The following CAMKMT variants were observed in gnomAD, a reference collection of about 807,000 sequenced individuals.
CAMKMT encodes the protein CaM KMT.
In CAMKMT, 53 loss-of-function variants were observed where a neutral mutation model predicts 48.0. The ratio of observed to expected loss-of-function variants is 1.10; its 90% confidence interval spans 0.89 to 1.39. CAMKMT has a LOEUF of 1.39. CAMKMT is among the 40% of genes most tolerant of loss of function. The pLI is 0.00. For synonymous variants in CAMKMT, 165 were observed against 152.3 expected (o/e 1.08, Z -0.61); for missense variants, 428 against 402.7 (o/e 1.06, Z -0.54).
intron 3 of CAMKMT, chr2:44,549,667 T>G (rs1266579844): frequency 6.9e-6 from 4 of 579,248 alleles, no homozygotes; most frequent in Non-Finnish European, 1.2e-5. Context: ...TGGCAGAAGA[T>G]TATGATACTC....
intron 3 of CAMKMT, among the ~76,000 whole-genome samples, chr2:44,492,933 G>A (rs1424169600): frequency 5.5e-5 from 8 of 146,056 alleles, no homozygotes; most frequent in South Asian, 2.1e-4. Flanking sequence ...TTGCCCTGTC[G>A]CCCAGGCTAG....
At chr2:44,738,952 A>G (rs1481272703) in intron 7 of CAMKMT, among the ~76,000 whole-genome samples, 1 of 152,212 alleles carries the variant, frequency 6.6e-6, no homozygotes, top group Non-Finnish European at 1.5e-5. Context: ...AGCAGCCAGT[A>G]TTAAGACCCT....
At chr2:44,550,769 A>G (rs1262558212) in intron 3 of CAMKMT, 1 of 152,212 alleles carries the variant, frequency 6.6e-6, no homozygotes, top group South Asian at 2.1e-4. Flanking sequence ...TTTTGTAATG[A>G]TTAAACCAGT....
intron 3 of CAMKMT, among the ~76,000 whole-genome samples, chr2:44,422,985 C>T (rs2104514865): frequency 6.6e-6 from 1 of 152,220 alleles, no homozygotes; most frequent in Middle Eastern, 3.4e-3. Flanking sequence ...CCTTCAGTCT[C>T]AGATTTTCTT....
At chr2:44,587,507 G>T (rs971390846) in intron 3 of CAMKMT, among the ~76,000 whole-genome samples, 1 of 115,822 alleles carries the variant, frequency 8.6e-6, no homozygotes, top group Non-Finnish European at 1.7e-5. Context: ...CTCCTTCCAC[G>T]GTCTCCCTCT....
At chr2:44,543,721 GA>G (rs1468946427) in intron 3 of CAMKMT, among the ~76,000 whole-genome samples, 2 of 152,088 alleles carry the variant, frequency 1.3e-5, no homozygotes, top group Non-Finnish European at 2.9e-5. Flanking sequence ...TTACAAGATA[GA>G]AAATTAGAAA....
chr2:44,621,025 T>C (rs1442322209), intron 3 of CAMKMT, among the ~76,000 whole-genome samples: 1 of 152,038 alleles, frequency 6.6e-6, no homozygotes, highest in African/African-American at 2.4e-5. Flanking sequence ...TCCCAGCACT[T>C]TGGGAGGCCG....
intron 3 of CAMKMT, among the ~76,000 whole-genome samples, chr2:44,585,732 C>G (rs987284341): frequency 6.6e-6 from 1 of 152,102 alleles, no homozygotes; most frequent in Non-Finnish European, 1.5e-5. Flanking sequence ...TATGGTGATC[C>G]TACGCTTTAC....
chr2:44,766,290 A>C (rs916451156), intron 9 of CAMKMT, 140 bp from the exon 10 acceptor site: 1 of 825,404 alleles, frequency 1.2e-6, no homozygotes, highest in African/African-American at 1.7e-5. Flanking sequence ...CTCACTGTGA[A>C]TGTCCATCCT....
intron 3 of CAMKMT, among the ~76,000 whole-genome samples, chr2:44,437,576 A>G (rs1461955026): frequency 1.3e-5 from 2 of 152,134 alleles, no homozygotes; most frequent in Non-Finnish European, 2.9e-5. Context: ...GGCTGATCAC[A>G]GTGGCTCACG....
chr2:44,540,601 A>G (rs542100528), intron 3 of CAMKMT, among the ~76,000 whole-genome samples: 3 of 152,192 alleles, frequency 2.0e-5, no homozygotes, highest in Admixed American at 6.5e-5. Flanking sequence ...AAACACAAAA[A>G]TTAGCCGGAC....
intron 7 of CAMKMT, among the ~76,000 whole-genome samples, chr2:44,728,305 G>T (rs962755201): frequency 6.6e-6 from 1 of 152,118 alleles, no homozygotes; most frequent in African/African-American, 2.4e-5. Context: ...TTGATCTGCT[G>T]CTAGATTCAA....
rs374938074 is a variant in CAMKMT, at chr2:44,411,906, A to G, written c.376+21601A>G. On this transcript the variant is annotated intron_variant, in intron 3 of 10. Transcript: ENST00000378494. ...TCATTGTTGATTCATTGCCCAAAGT[A>G]TCATTAACATTATTAAGAAACTTTG... Among the ~76,000 whole-genome samples, 542 of 151,076 alleles carry G rather than the reference A, an allele frequency of 3.6e-3. 3 individuals carry two copies. Among genetic ancestry groups the G allele is most frequent in the African/African-American group, 0.013 (522 of 41,200 alleles).
intron 9 of CAMKMT, among the ~76,000 whole-genome samples, chr2:44,763,831 C>G (rs1249509549): frequency 1.3e-5 from 2 of 152,230 alleles, no homozygotes; most frequent in Non-Finnish European, 2.9e-5. Context: ...AAGGATCAGC[C>G]CAACCTAGAA....
intron 3 of CAMKMT, among the ~76,000 whole-genome samples, chr2:44,608,443 G>C (rs1217626680): frequency 6.6e-6 from 1 of 151,828 alleles, no homozygotes; most frequent in Non-Finnish European, 1.5e-5. Flanking sequence ...TTATTTATGG[G>C]GCACCTATTG....
intron 3 of CAMKMT, among the ~76,000 whole-genome samples, chr2:44,473,297 TTAG>T (rs1186216570): frequency 2.0e-5 from 3 of 152,198 alleles, no homozygotes; most frequent in African/African-American, 7.2e-5. Context: ...TGGAACCTCA[TTAG>T]TAGATTTTAC....
At chr2:44,493,484 G>A (rs988813988) in intron 3 of CAMKMT, among the ~76,000 whole-genome samples, 1 of 151,974 alleles carries the variant, frequency 6.6e-6, no homozygotes, top group African/African-American at 2.4e-5. Flanking sequence ...GTTTTTATTT[G>A]TTTTATAAAG....
intron 3 of CAMKMT, among the ~76,000 whole-genome samples, chr2:44,599,941 A>G (rs997971579): frequency 3.9e-5 from 6 of 151,990 alleles, no homozygotes; most frequent in African/African-American, 1.2e-4. Context: ...TTGGTACTCT[A>G]TGGACTTTGA....
At chr2:44,500,716 C>G (rs910573847) in intron 3 of CAMKMT, among the ~76,000 whole-genome samples, 1 of 143,414 alleles carries the variant, frequency 7.0e-6, no homozygotes, top group Non-Finnish European at 1.5e-5. Context: ...GAGTCTTGCT[C>G]TGTTGCCCAG....
Sources: allele counts gnomAD v4.1 joint callset (sites outside exome capture counted in the v4.1 genomes callset), GRCh38; gene constraint gnomAD v4.1.1; transcripts MANE v1.5; gene names NCBI Gene and HGNC (gene_info 2026-07-23, HGNC 2026-07-21).